PPP3CB: variants seen among roughly 807,000 people sequenced by gnomAD.
PPP3CB encodes serine/threonine-protein phosphatase 2B catalytic subunit beta isoform.
Under a neutral mutation model 66.4 loss-of-function variants are expected in PPP3CB, and 8 were observed. That is an observed-to-expected ratio of 0.12 (90% CI 0.07 to 0.22). PPP3CB has a LOEUF of 0.22. PPP3CB is among the 10% of genes least tolerant of loss of function. PPP3CB has a pLI of 1.00. For missense variants in PPP3CB, 319 were observed against 642.5 expected, an observed-to-expected ratio of 0.50 and a Z score of 5.44; for synonymous variants, 208 against 221.2, an observed-to-expected ratio of 0.94 and a Z score of 0.53.
chr10:73,481,757 C>T (rs200753336), intron 1 of PPP3CB, among the ~76,000 whole-genome samples: 1 of 151,334 alleles, frequency 6.6e-6, no homozygotes, highest in African/African-American at 2.4e-5. Context: ...AGAACTAAGG[C>T]AGAGAGATGC....
intron 1 of PPP3CB, among the ~76,000 whole-genome samples, chr10:73,483,153 CAGTT>C (rs2056910475): frequency 6.6e-6 from 1 of 152,182 alleles, no homozygotes; most frequent in Admixed American, 6.5e-5. Flanking sequence ...CTCCATGCCA[CAGTT>C]AGTTATCTAA....
At chr10:73,447,210 T>C (rs919314377) in intron 10 of PPP3CB, among the ~76,000 whole-genome samples, 1 of 152,174 alleles carries the variant, frequency 6.6e-6, no homozygotes, top group African/African-American at 2.4e-5. Context: ...TGCAAATATA[T>C]ACAATCTTTT....
chr10:73,477,657 C>A (rs543546730), intron 3 of PPP3CB, among the ~76,000 whole-genome samples: 1 of 152,300 alleles, frequency 6.6e-6, no homozygotes, highest in South Asian at 2.1e-4. Context: ...TGGCTCACAT[C>A]TGTAATCTCA....
At chr10:73,473,261 G>GTA (rs1265779838) in intron 4 of PPP3CB, among the ~76,000 whole-genome samples, 1 of 152,112 alleles carries the variant, frequency 6.6e-6, no homozygotes, top group Non-Finnish European at 1.5e-5. Context: ...TACTTAGTAT[G>GTA]ACCTTTATTG....
chr10:73,482,574 A>C (rs1000544543), intron 1 of PPP3CB, among the ~76,000 whole-genome samples: 3 of 146,530 alleles, frequency 2.0e-5, no homozygotes, highest in Admixed American at 6.8e-5. Context: ...AAAGAGACTC[A>C]GTCTCTAAAA....
At chr10:73,485,945 T>TGG (rs2056966937) in intron 1 of PPP3CB, among the ~76,000 whole-genome samples, 1 of 144,898 alleles carries the variant, frequency 6.9e-6, no homozygotes, top group African/African-American at 2.6e-5. Context: ...TGTGTGTGTG[T>TGG]GTGTGTATTT....
chr10:73,457,737 C>CA (rs200840556), intron 9 of PPP3CB, among the ~76,000 whole-genome samples: 10,630 of 87,534 alleles, frequency 0.12, 607 homozygotes, highest in East Asian at 0.4. Flanking sequence ...GACCCTGTCT[C>CA]AAAAAAAAAA....
chr10:73,454,191 T>C (rs540670719), intron 10 of PPP3CB, among the ~76,000 whole-genome samples: 12 of 152,306 alleles, frequency 7.9e-5, no homozygotes, highest in South Asian at 4.1e-4. Context: ...AAATTTCTCC[T>C]TTCCCAAAGT....
Position 73,438,170 on chromosome 10 carries a change from C to A in PPP3CB, c.*72G>T. ...CTGTGAAATTTACAGTCAGCTTGGC[C>A]GACCCCTCCAGCTCCTCGGGTGATC... On this transcript the variant is annotated 3_prime_UTR_variant, in exon 14 of 14. Transcript: ENST00000360663. 2.1e-6 allele frequency: 3 copies of A among 1,449,280 alleles called. No homozygotes were observed. The highest frequency in any genetic ancestry group is 1.9e-6 in the Non-Finnish European group (2 of 1,059,868). 89.8% of individuals were successfully genotyped at this position (1,449,280 alleles called of 1,614,324 possible).
intron 1 of PPP3CB, among the ~76,000 whole-genome samples, chr10:73,485,425 G>A (rs2056955345): frequency 6.6e-6 from 1 of 152,138 alleles, no homozygotes; most frequent in Non-Finnish European, 1.5e-5. Context: ...CCAATTCTAA[G>A]CAAGGACTGC....
In PPP3CB at chr10:73,438,317, C is replaced by T. The variant is rs956064020; in HGVS notation, c.1500G>A (p.Gln500=). 1.2e-6 allele frequency: 2 copies of T among 1,614,160 alleles called. No individual in the cohort carries two copies. The highest frequency in any genetic ancestry group is 8.5e-7 in the Non-Finnish European group (1 of 1,180,000). The change falls in exon 14 of 14, where the codon CAG becomes CAA. Residue 500 remains glutamine (Q), a synonymous_variant. Transcript: ENST00000360663. ...TGTTCAGAGAATTGAAACCATCTTG[C>T]TGTACAGCATCTTTCCGAGGTGGCA... is the stretch of plus-strand genomic sequence containing the variant. ...ERMPPRKDAV[Q]QDGFNSLNTA...
rs187655425 is a variant in PPP3CB at position 73,449,234 on chromosome 10, A to G, written c.1187-2661T>C. On this transcript the variant is annotated intron_variant, in intron 10 of 13. Coordinates refer to ENST00000360663, the MANE Select transcript of PPP3CB (RefSeq NM_021132.4). ...CAGTAGAAAACCTCACCCCCTCCCA[A>G]CGAAGGAAAAGCTAAACCTCCCATA... Among the ~76,000 whole-genome samples, 11 of 152,276 alleles carry G rather than the reference A, an allele frequency of 7.2e-5. No homozygotes were observed. In the East Asian group the frequency reaches 1.9e-3, roughly 27 times the overall value.
chr10:73,492,499 A>G (rs1048449688), intron 1 of PPP3CB, among the ~76,000 whole-genome samples: 1 of 152,252 alleles, frequency 6.6e-6, no homozygotes, highest in Non-Finnish European at 1.5e-5. Flanking sequence ...TTGTGCTTCA[A>G]TTACCTATAC....
At chr10:73,477,184 T>C in intron 3 of PPP3CB, 1 of 518,928 alleles carries the variant, frequency 1.9e-6, no homozygotes, top group South Asian at 1.4e-5. Context: ...TGAGGATTAA[T>C]CGATATGTCT....
rs1181313532 is a variant in PPP3CB, at chr10:73,478,759, A to C, written c.287-136T>G. 7.1e-6 allele frequency: 5 copies of C among 709,194 alleles called. No individual in the cohort carries two copies. In the African/African-American group the frequency reaches 9.0e-5, roughly 13 times the overall value. 43.9% of individuals were successfully genotyped at this position (709,194 alleles called of 1,614,324 possible). ...TCTGAGAAGGAAGTAGTCTATGAAC[A>C]GTCATGATTAGGATGATGTGTAACC... On this transcript the variant is annotated intron_variant, in intron 2 of 13. Coordinates refer to ENST00000360663, the MANE Select transcript of PPP3CB (RefSeq NM_021132.4).
chr10:73,484,656 T>A (rs543872900), intron 1 of PPP3CB, among the ~76,000 whole-genome samples: 4 of 152,296 alleles, frequency 2.6e-5, no homozygotes, highest in African/African-American at 9.6e-5. Context: ...CTTACTTTTC[T>A]ATATTTGCGA....
chr10:73,458,557 C>G, intron 9 of PPP3CB, among the ~76,000 whole-genome samples: 1 of 151,520 alleles, frequency 6.6e-6, no homozygotes, highest in South Asian at 2.1e-4. Context: ...ACCCTAGCAC[C>G]CTGGGAGGCC....
chr10:73,453,335 T>C (rs1440590080), intron 10 of PPP3CB, among the ~76,000 whole-genome samples: 6 of 152,234 alleles, frequency 3.9e-5, no homozygotes, highest in Non-Finnish European at 7.3e-5. Context: ...CAAATATGTT[T>C]ATTTTACTGC....
rs141567433 is a variant in PPP3CB, at chr10:73,484,098, G to A, written c.86-4581C>T. On this transcript the variant is annotated intron_variant, in intron 1 of 13. Transcript: ENST00000360663. ...GTGGAGGTTGTAGTGAGCTGAGATC[G>A]TGCCACTGAACTCTAGCCTGGGCAA... Among the ~76,000 whole-genome samples, 84 of 151,948 alleles carry A rather than the reference G, an allele frequency of 5.5e-4. No individual in the cohort carries two copies. The East Asian group carries it at 0.016, about 29-fold the overall frequency.
Sources: allele counts gnomAD v4.1 joint callset (sites outside exome capture counted in the v4.1 genomes callset), GRCh38; gene constraint gnomAD v4.1.1; transcripts MANE v1.5; gene names NCBI Gene and HGNC (gene_info 2026-07-23, HGNC 2026-07-21).